Variants in CGNL1 observed in about 807,000 individuals in gnomAD.
CGNL1 encodes cingulin-like protein 1.
CGNL1 carries 132 observed loss-of-function variants against 141.2 expected under a neutral mutation model. That is an observed-to-expected ratio of 0.93 (90% confidence interval 0.81 to 1.08). CGNL1 has a LOEUF of 1.08. Ranked by LOEUF, CGNL1 falls within the 50% of genes least tolerant of loss-of-function variation. The probability of loss-of-function intolerance (pLI) is 0.00; values close to 1 mark genes in which losing one functional copy is unlikely to be tolerated. For missense variants in CGNL1, 1,870 were observed against 1,588.6 expected, an observed-to-expected ratio of 1.18 and a Z score of -3.01; for synonymous variants, 690 against 622.1, an observed-to-expected ratio of 1.11 and a Z score of -1.63.
Position 57,386,505 on chromosome 15 carries a change from C to T in CGNL1, c.-16+9938C>T, listed in dbSNP as rs865784611. On this transcript the variant is annotated intron_variant, in intron 1 of 18. Coordinates refer to ENST00000281282, the MANE Select transcript of CGNL1 (RefSeq NM_032866.5). ...GTGTTACGGGCATAGTAGGAGGCCC[C>T]CCAAATAGTTCCTGCAGCAGGGTGT... 3.0e-4 allele frequency among the ~76,000 whole-genome samples: 46 copies of T among 152,260 alleles called. 1 individual carries two copies. In the Middle Eastern group the frequency reaches 0.037, roughly 124 times the overall value.
chr15:57,481,729 A>C (rs1288669911), intron 8 of CGNL1, among the ~76,000 whole-genome samples: 1 of 152,128 alleles, frequency 6.6e-6, no homozygotes, highest in Non-Finnish European at 1.5e-5. Flanking sequence ...TTCTTGGATA[A>C]ATATCTAGGA....
Position 57,378,588 on chromosome 15 carries a change from G to A in CGNL1, c.-16+2021G>A, listed in dbSNP as rs187004259. Among the ~76,000 whole-genome samples the A allele has an allele frequency of 4.8e-3, 730 of 151,782 alleles. 5 individuals carry two copies. Among genetic ancestry groups the A allele is most frequent in the African/African-American group, 0.017 (701 of 41,322 alleles). ...AGTAGAGACAGGGTTTCGCCATGTT[G>A]TCCAGGCTGTTCTCAAACTCCTGAC... On this transcript the variant is annotated intron_variant, in intron 1 of 18. Transcript: ENST00000281282.
At chr15:57,395,285 C>T (rs1241503682) in intron 1 of CGNL1, among the ~76,000 whole-genome samples, 2 of 152,198 alleles carry the variant, frequency 1.3e-5, no homozygotes, top group Non-Finnish European at 2.9e-5. Context: ...CTTCAGTTCC[C>T]AAATGAGTCC....
At chr15:57,539,346 T>TCTGAC (rs1389928839) in intron 14 of CGNL1, among the ~76,000 whole-genome samples, 6 of 152,046 alleles carry the variant, frequency 3.9e-5, no homozygotes, top group Non-Finnish European at 7.4e-5. Flanking sequence ...CCACCCACAT[T>TCTGAC]CTGACCCCAA....
At chr15:57,537,934 T>C (rs569215263) in intron 14 of CGNL1, among the ~76,000 whole-genome samples, 3 of 152,374 alleles carry the variant, frequency 2.0e-5, no homozygotes, top group Non-Finnish European at 4.4e-5. Context: ...AAAGAAATAC[T>C]TTCCCAGCCT....
intron 8 of CGNL1, among the ~76,000 whole-genome samples, chr15:57,514,314 G>T (rs1030862647): frequency 6.6e-6 from 1 of 151,946 alleles, no homozygotes; most frequent in Non-Finnish European, 1.5e-5. Flanking sequence ...ACCACACCTG[G>T]CTGATTTTTG....
chr15:57,521,562 A>G (rs1464757584), intron 10 of CGNL1, among the ~76,000 whole-genome samples: 1 of 152,216 alleles, frequency 6.6e-6, no homozygotes, highest in Non-Finnish European at 1.5e-5. Context: ...CTACCTTGCA[A>G]AAGAGGCAAG....
intron 8 of CGNL1, among the ~76,000 whole-genome samples, chr15:57,493,652 A>G (rs2063897813): frequency 6.6e-6 from 1 of 152,196 alleles, no homozygotes; most frequent in Non-Finnish European, 1.5e-5. Context: ...CTTCTGGATG[A>G]TCGTAAGCTC....
At chr15:57,423,706 G>A (rs556239160) in intron 1 of CGNL1, among the ~76,000 whole-genome samples, 1 of 152,278 alleles carries the variant, frequency 6.6e-6, no homozygotes, top group Admixed American at 6.5e-5. Context: ...AGGCTCTCCA[G>A]ATTTCCTCGC....
intron 12 of CGNL1, among the ~76,000 whole-genome samples, 182 bp downstream of exon 12, chr15:57,524,933 C>T (rs370902104): frequency 1.4e-4 from 21 of 152,264 alleles, no homozygotes; most frequent in Admixed American, 5.2e-4. Context: ...AAGGACCCAC[C>T]GGCGGACTGT....
intron 1 of CGNL1, among the ~76,000 whole-genome samples, chr15:57,428,763 G>A (rs1414488976): frequency 1.3e-5 from 2 of 152,202 alleles, no homozygotes; most frequent in African/African-American, 4.8e-5. Flanking sequence ...AGTGGCTCAT[G>A]CCTGTATTCC....
intron 1 of CGNL1, among the ~76,000 whole-genome samples, chr15:57,395,154 A>G (rs2062589107): frequency 6.6e-6 from 1 of 152,218 alleles, no homozygotes; most frequent in Non-Finnish European, 1.5e-5. Context: ...AAAAAACCCA[A>G]TTATTTTAAT....
intron 1 of CGNL1, among the ~76,000 whole-genome samples, chr15:57,379,828 G>GA (rs1427752316): frequency 5.4e-5 from 8 of 149,490 alleles, no homozygotes; most frequent in African/African-American, 1.7e-4. Flanking sequence ...AAGGAAAAAA[G>GA]AAAAAAAAAG....
At position 57,432,827 on chromosome 15, in the gene CGNL1, G is replaced by A. The variant is rs147664587; in HGVS notation, c.-15-5158G>A. Among the ~76,000 whole-genome samples the A allele has an allele frequency of 3.0e-3, 452 of 152,350 alleles. 3 individuals are homozygous for A. Among genetic ancestry groups the A allele is most frequent in the African/African-American group, 0.01 (430 of 41,576 alleles). On this transcript the variant is annotated intron_variant, in intron 1 of 18. Coordinates refer to ENST00000281282, the MANE Select transcript of CGNL1 (RefSeq NM_032866.5). ...GATTGAGGTTTGTTGTCAAGGAAAT[G>A]TAAATTGTGGATGTTTCATGAAATT...
At chr15:57,485,162 T>C (rs1433845729) in intron 8 of CGNL1, among the ~76,000 whole-genome samples, 1 of 152,112 alleles carries the variant, frequency 6.6e-6, no homozygotes, top group South Asian at 2.1e-4. Context: ...TTCTTGAGGC[T>C]TGCTCTTTGA....
At chr15:57,467,573 A>T (rs1396520412) in intron 8 of CGNL1, among the ~76,000 whole-genome samples, 1 of 152,158 alleles carries the variant, frequency 6.6e-6, no homozygotes, top group Non-Finnish European at 1.5e-5. Context: ...ACTGTAAAAA[A>T]CAAAAATAGC....
Position 57,438,323 on chromosome 15 carries a change from C to G in CGNL1, c.324C>G (p.Tyr108Ter), listed in dbSNP as rs150676873. The G allele has an allele frequency of 3.1e-6, 5 of 1,614,138 alleles. No individual in the cohort carries two copies. The highest frequency in any genetic ancestry group is 4.2e-6 in the Non-Finnish European group (5 of 1,180,028). The stretch of plus-strand genomic sequence containing the variant: ...AACTTCAGCTTCCAGAAAACCCATA[C>G]GCCCAGCCTAGCCCAATAAGAAACC... Reference protein sequence around the residue: ...SEELQLPENPYAQPSPIRNLK... With the variant: ...SEELQLPENP Residue 108 changes from tyrosine to a stop codon, truncating the protein, a stop_gained, in exon 2 of 19, where the codon TAC becomes TAG. Transcript: ENST00000281282. LOFTEE classifies it high-confidence loss of function.
chr15:57,489,413 TA>T (rs1333510251), intron 8 of CGNL1, among the ~76,000 whole-genome samples: 1 of 152,224 alleles, frequency 6.6e-6, no homozygotes, highest in African/African-American at 2.4e-5. Context: ...TTAAAATATT[TA>T]AATTTGAATG....
intron 1 of CGNL1, among the ~76,000 whole-genome samples, chr15:57,408,433 A>G (rs956534027): frequency 3.9e-5 from 6 of 152,194 alleles, no homozygotes; most frequent in African/African-American, 1.4e-4. Context: ...CGGAGAATCA[A>G]TTATTCAAGA....
Sources: gnomAD v4.1 joint callset for allele counts (sites outside exome capture counted in the v4.1 genomes callset) on GRCh38, gnomAD v4.1.1 for gene constraint, MANE v1.5 for transcripts, NCBI Gene and HGNC (gene_info 2026-07-23, HGNC 2026-07-21) for gene names.